STIM2: variants seen among roughly 807,000 people sequenced by gnomAD.
STIM2 encodes the protein stromal interaction molecule 2.
Under a neutral mutation model 85.8 loss-of-function variants are expected in STIM2, and 31 were observed. The ratio of observed to expected loss-of-function variants is 0.36; its 90% CI spans 0.27 to 0.49. The LOEUF (loss-of-function observed/expected upper bound fraction) is 0.49, where lower values mean the gene tolerates loss of function less well. Ranked by LOEUF, STIM2 falls within the 20% of genes least tolerant of loss-of-function variation. The probability of loss-of-function intolerance (pLI) is 0.98; values close to 1 mark genes in which losing one functional copy is unlikely to be tolerated. For missense variants in STIM2, 841 were observed against 927.6 expected, an observed-to-expected ratio of 0.91 and a Z score of 1.21; for synonymous variants, 356 against 331.1, an observed-to-expected ratio of 1.08 and a Z score of -0.82.
At chr4:26,944,759 G>A (rs981469632) in intron 2 of STIM2, among the ~76,000 whole-genome samples, 2 of 151,874 alleles carry the variant, frequency 1.3e-5, no homozygotes, top group African/African-American at 2.4e-5. Flanking sequence ...TGTTTTTCTC[G>A]TCAATCACGT....
chr4:26,920,756 C>T (rs1724765402), intron 2 of STIM2, among the ~76,000 whole-genome samples: 1 of 152,104 alleles, frequency 6.6e-6, no homozygotes, highest in African/African-American at 2.4e-5. Context: ...AGATCCCTGA[C>T]CTTTTGCTTT....
chr4:26,879,729 T>A (rs1367819343), intron 1 of STIM2, among the ~76,000 whole-genome samples: 3 of 152,254 alleles, frequency 2.0e-5, no homozygotes, highest in African/African-American at 7.2e-5. Flanking sequence ...ATAATATATG[T>A]AACTATTCCT....
intron 1 of STIM2, among the ~76,000 whole-genome samples, chr4:26,918,778 C>G (rs1248090232): frequency 6.6e-6 from 1 of 152,136 alleles, no homozygotes; most frequent in East Asian, 1.9e-4. Flanking sequence ...TTCATGCTTT[C>G]TAACTTAGTT....
At chr4:26,990,324 TC>T (rs1470306477) in intron 3 of STIM2, among the ~76,000 whole-genome samples, 1 of 152,180 alleles carries the variant, frequency 6.6e-6, no homozygotes, top group Non-Finnish European at 1.5e-5. Context: ...CAACTCATTT[TC>T]AACAAAGGCA....
rs1476374371 is a variant in STIM2, at chr4:27,023,528, A to G, written c.*532A>G. The G allele has an allele frequency of 6.5e-6, 1 of 152,974 alleles. No homozygotes were observed. The highest frequency in any genetic ancestry group is 2.4e-5 in the African/African-American group (1 of 41,436). The allele number at this position is 152,974 out of a possible 1,614,324, so 9.5% of individuals were successfully genotyped here. A position where few individuals can be genotyped will look rare whatever the true frequency, so the allele number is the denominator to read the frequency against. On this transcript the variant is annotated 3_prime_UTR_variant, in exon 12 of 12. Coordinates refer to ENST00000467087, the MANE Select transcript of STIM2 (RefSeq NM_020860.4). Reference sequence around the variant, plus strand: ...TAGAGTTTATAAAATGACTATGGATAGGGGACTGTTTTCACTTTTAGATCA... The same window carrying G: ...TAGAGTTTATAAAATGACTATGGATGGGGGACTGTTTTCACTTTTAGATCA...
chr4:26,966,978 C>T (rs1180157928), intron 3 of STIM2, among the ~76,000 whole-genome samples: 1 of 152,164 alleles, frequency 6.6e-6, no homozygotes, highest in Non-Finnish European at 1.5e-5. Flanking sequence ...CTGTTTCTCC[C>T]TCTCTTTGCA....
At chr4:26,863,578 T>A (rs1361484857) in intron 1 of STIM2, among the ~76,000 whole-genome samples, 1 of 152,110 alleles carries the variant, frequency 6.6e-6, no homozygotes, top group Non-Finnish European at 1.5e-5. Context: ...TATTTGTAAA[T>A]GTTATGCAAA....
At chr4:26,946,984 T>C (rs1725855871) in intron 2 of STIM2, among the ~76,000 whole-genome samples, 1 of 152,226 alleles carries the variant, frequency 6.6e-6, no homozygotes, top group African/African-American at 2.4e-5. Flanking sequence ...AATACCTGAA[T>C]TCAAGTGGCT....
intron 2 of STIM2, among the ~76,000 whole-genome samples, chr4:26,934,764 T>G (rs1245391131): frequency 6.6e-6 from 1 of 151,780 alleles, no homozygotes; most frequent in African/African-American, 2.4e-5. Flanking sequence ...AAATACAAAA[T>G]TAGATGGGCA....
At chr4:27,002,801 A>T (rs779497296) in intron 6 of STIM2, 126 bp from the exon 7 acceptor site, 1 of 938,148 alleles carries the variant, frequency 1.1e-6, no homozygotes, top group Admixed American at 4.0e-5. Context: ...CTTAAGGCTA[A>T]TGAAAAATGC....
chr4:26,913,589 A>C (rs889154692), intron 1 of STIM2, among the ~76,000 whole-genome samples: 2 of 152,226 alleles, frequency 1.3e-5, no homozygotes, highest in Non-Finnish European at 2.9e-5. Context: ...CTAACTACTT[A>C]GGTTTAAATT....
chr4:26,929,356 T>C (rs1725115128), intron 2 of STIM2, among the ~76,000 whole-genome samples: 1 of 152,166 alleles, frequency 6.6e-6, no homozygotes, highest in East Asian at 1.9e-4. Context: ...CAGTTCAATA[T>C]AGGTGCATTT....
chr4:27,019,963 G>T (rs963088673), intron 11 of STIM2, among the ~76,000 whole-genome samples: 14 of 152,156 alleles, frequency 9.2e-5, no homozygotes, highest in Admixed American at 1.3e-4. Context: ...TTGGATTATT[G>T]TCATTACGCA....
chr4:26,867,974 T>A (rs1006962327), intron 1 of STIM2, among the ~76,000 whole-genome samples: 6 of 152,236 alleles, frequency 3.9e-5, no homozygotes, highest in African/African-American at 1.4e-4. Flanking sequence ...AATGATTGAT[T>A]TGATTTTTGG....
chr4:26,989,717 T>C (rs984824534), intron 3 of STIM2, among the ~76,000 whole-genome samples: 3 of 152,180 alleles, frequency 2.0e-5, no homozygotes, highest in Non-Finnish European at 4.4e-5. Context: ...TAGAAAAACC[T>C]AGACTTCACC....
chr4:26,937,695 G>A (rs1162450829), intron 2 of STIM2, among the ~76,000 whole-genome samples: 1 of 152,282 alleles, frequency 6.6e-6, no homozygotes, highest in African/African-American at 2.4e-5. Context: ...GACAAAGGGT[G>A]TAAACGAGGA....
chr4:26,861,354 C>A lies in STIM2; in HGVS notation c.136C>A (p.Pro46Thr). ...TCCCGCCGCGGCGGCCGGCGATAGC[C>A]CGGCGCTCATGACAGGTGAGGGGCC... Residue 46 changes from proline (P) to threonine (T), a missense_variant, in exon 1 of 12, where the codon CCG becomes ACG. Transcript: ENST00000467087. The A allele has an allele frequency of 7.4e-7, 1 of 1,359,410 alleles. No homozygotes were observed. The highest frequency in any genetic ancestry group is 1.7e-5 in the South Asian group (1 of 57,790). The allele number at this position is 1,359,410 out of a possible 1,614,324, so 84.2% of individuals were successfully genotyped here. A position where few individuals can be genotyped will look rare whatever the true frequency, so the allele number is the denominator to read the frequency against.
chr4:26,977,521 C>T lies in STIM2; in HGVS notation c.398-17858C>T, dbSNP rs146776651. Among the ~76,000 whole-genome samples, 5 of 152,026 alleles carry T rather than the reference C, an allele frequency of 3.3e-5. No homozygotes were observed. The South Asian group carries it at 6.2e-4, about 19-fold the overall frequency. ...AGAAGTAGAAGACCTGTTGAGGCTT[C>T]GCGTGAACTGGTGAGAGGTGATGGT... On this transcript the variant is annotated intron_variant, in intron 3 of 11. Transcript: ENST00000467087.
In STIM2 at chr4:26,996,469, C is replaced by T. The variant is rs150381606; in HGVS notation, c.509+979C>T. ...GTCCCTAGTCAACTTCCTTACATGC[C>T]CTATTTAGATAAGTATCCTTTGTTG... On this transcript the variant is annotated intron_variant, in intron 4 of 11. Transcript: ENST00000467087. Among the ~76,000 whole-genome samples, 331 of 151,814 alleles carry T rather than the reference C, an allele frequency of 2.2e-3. 2 individuals carry two copies. The highest frequency in any genetic ancestry group is 7.2e-3 in the African/African-American group (300 of 41,442).
Sources: allele counts gnomAD v4.1 joint callset (sites outside exome capture counted in the v4.1 genomes callset), GRCh38; gene constraint gnomAD v4.1.1; transcripts MANE v1.5; gene names NCBI Gene and HGNC (gene_info 2026-07-23, HGNC 2026-07-21).